Variants in OSCAR observed in about 807,000 individuals in gnomAD.
The protein encoded by OSCAR is osteoclast-associated immunoglobulin-like receptor.
A neutral mutation model predicts 27.3 loss-of-function variants in OSCAR; 25 were observed. The ratio of observed to expected loss-of-function variants is 0.92; its 90% CI spans 0.67 to 1.28. The LOEUF (loss-of-function observed/expected upper bound fraction) is 1.28, where lower values mean the gene tolerates loss of function less well. Among genes scored for constraint, OSCAR ranks in the 50% most tolerant of loss-of-function variants. The pLI is 0.00. For synonymous variants in OSCAR, 158 were observed against 165.7 expected (o/e 0.95, Z 0.36); for missense variants, 354 against 355.1 (o/e 1.00, Z 0.03).
rs1228940404 is a variant in OSCAR at position 54,099,229 on chromosome 19, A to ATTTTTTTTTTTTTTTTTTTTTTTTTTT, written c.70+518_70+519insAAAAAAAAAAAAAAAAAAAAAAAAAAA. Reference sequence around the variant, plus strand: ...AGGTGCGTCCCACCACACCCGGCTAATTTTTTTTTTTTTTTTTTTTTTTTA... The same window carrying ATTTTTTTTTTTTTTTTTTTTTTTTTTT: ...AGGTGCGTCCCACCACACCCGGCTAATTTTTTTTTTTTTTTTTTTTTTTTTTTTTTTTTTTTTTTTTTTTTTTTTTTA... On this transcript the variant is annotated intron_variant, in intron 2 of 4. Coordinates refer to ENST00000358375, the MANE Select transcript of OSCAR (RefSeq NM_133169.6). Among the ~76,000 whole-genome samples the ATTTTTTTTTTTTTTTTTTTTTTTTTTT allele has an allele frequency of 8.5e-5, 7 of 82,428 alleles. 1 individual carries two copies. The highest frequency in any genetic ancestry group is 1.0e-3 in the East Asian group (2 of 1,932). 54.1% of individuals were successfully genotyped at this position (82,428 alleles called of 152,430 possible).
At chr19:54,100,668 C>A in intron 1 of OSCAR, 88 bp downstream of exon 1, 1 of 1,365,680 alleles carries the variant, frequency 7.3e-7, no homozygotes, top group Non-Finnish European at 1.0e-6. Context: ...GCTGCCTGGT[C>A]CCCCTGCAGG....
chr19:54,100,424 T>C (rs2072989566), intron 1 of OSCAR, among the ~76,000 whole-genome samples: 2 of 152,120 alleles, frequency 1.3e-5, no homozygotes, highest in South Asian at 4.1e-4. Context: ...TCTCAGGAGC[T>C]AAGAGCCCTG....
intron 1 of OSCAR, among the ~76,000 whole-genome samples, chr19:54,100,112 G>A (rs1377230509): frequency 3.3e-5 from 5 of 152,078 alleles, no homozygotes; most frequent in South Asian, 2.1e-4. Flanking sequence ...GAGCCGCTGC[G>A]CCCAACAGCG....
At chr19:54,095,378 G>C in intron 4 of OSCAR, 21 bp from the exon 5 acceptor site, 1 of 1,548,780 alleles carries the variant, frequency 6.5e-7, no homozygotes, top group South Asian at 1.2e-5. Context: ...AGCCGGGAGA[G>C]AGGGGCCATC....
intron 1 of OSCAR, among the ~76,000 whole-genome samples, chr19:54,100,182 T>C (rs1235518584): frequency 6.6e-6 from 1 of 152,084 alleles, no homozygotes. Context: ...GGAATCTGAG[T>C]TCCCAGCTCC....
rs117829349 is a variant in OSCAR, at chr19:54,094,971, G to A, written c.*250C>T. 4,143 of 506,310 alleles carry A rather than the reference G, an allele frequency of 8.2e-3. 28 individuals carry two copies. Among genetic ancestry groups the A allele is most frequent in the South Asian group, 0.012 (304 of 24,522 alleles). The allele number at this position is 506,310 out of a possible 1,614,324, so 31.4% of individuals were successfully genotyped here. ...GCTGCTACTACTACAGTGAGTAGAC[G>A]GCAGTGCTGGGATTCGAACCCTCTG... On this transcript the variant is annotated 3_prime_UTR_variant, in exon 5 of 5. Transcript: ENST00000358375.
Position 54,097,061 on chromosome 19 carries a change from G to A in OSCAR, c.174C>T (p.Pro58=), listed in dbSNP as rs764997794. 1.5e-5 allele frequency: 25 copies of A among 1,614,052 alleles called. No individual in the cohort carries two copies. Among genetic ancestry groups the A allele is most frequent in the South Asian group, 2.2e-5 (2 of 91,092 alleles). The stretch of plus-strand genomic sequence containing the variant: ...GCTTGAAAAGTCCAAATCTCCAAGC[G>A]GGTTGGGGTGCCCGGCATCTCAAGG... The part of the protein sequence containing the change: ...NVTLRCRAPQ[P]AWRFGLFKPG... Residue 58 remains proline, a synonymous_variant, in exon 3 of 5, where the codon CCC becomes CCT. Transcript: ENST00000358375.
At chr19:54,097,710 C>T (rs1372188079) in intron 2 of OSCAR, among the ~76,000 whole-genome samples, 1 of 149,974 alleles carries the variant, frequency 6.7e-6, no homozygotes, top group African/African-American at 2.5e-5. Flanking sequence ...TCCTCCACCT[C>T]AGCCTCCTGA....
In OSCAR at chr19:54,096,897, G is replaced by A; in HGVS notation, c.338C>T (p.Ser113Phe). 1.2e-6 allele frequency: 2 copies of A among 1,614,002 alleles called. No homozygotes were observed. Among genetic ancestry groups the A allele is most frequent in the South Asian group, 2.2e-5 (2 of 91,068 alleles). ...RRPDWGPGVW[S>F]QPSDVLELLV... ...CAGCTCCAGGACATCGCTGGGCTGG[G>A]ACCAGACACCCGGCCCCCAGTCTGG... Residue 113 changes from serine (S) to phenylalanine (F), a missense_variant, in exon 3 of 5, where the codon TCC becomes TTC. Ser to Phe is a radical substitution (Grantham distance 155). Coordinates refer to ENST00000358375, the MANE Select transcript of OSCAR (RefSeq NM_133169.6).
chr19:54,099,652 G>A (rs2072941601), intron 2 of OSCAR, 96 bp downstream of exon 2: 19 of 1,613,594 alleles, frequency 1.2e-5, no homozygotes, highest in Non-Finnish European at 1.6e-5. Flanking sequence ...AGGAAAATAA[G>A]GATATCTGGG....
chr19:54,099,487 G>T, intron 2 of OSCAR: 2 of 1,141,214 alleles, frequency 1.8e-6, no homozygotes, highest in Non-Finnish European at 2.7e-6. Flanking sequence ...AGCAAGCTGT[G>T]ACTTGTTCTA....
chr19:54,099,210 G>A (rs587669860), intron 2 of OSCAR, among the ~76,000 whole-genome samples: 1 of 125,670 alleles, frequency 8.0e-6, no homozygotes, highest in Non-Finnish European at 1.6e-5. Flanking sequence ...TTACAGGTGC[G>A]TCCCACCACA....
At position 54,095,029 on chromosome 19, in the gene OSCAR, C is replaced by T. The variant is rs1198300668; in HGVS notation, c.*192G>A. On this transcript the variant is annotated 3_prime_UTR_variant, in exon 5 of 5. Coordinates refer to ENST00000358375, the MANE Select transcript of OSCAR (RefSeq NM_133169.6). The stretch of plus-strand genomic sequence containing the variant: ...GCTTGGAAGTCTTAACCACTAATCG[C>T]GTCTTCCTTTCAGCTACTCCTTGGG... The T allele has an allele frequency of 3.4e-5, 31 of 920,174 alleles. No homozygotes were observed. The highest frequency in any genetic ancestry group is 2.2e-4 in the African/African-American group (13 of 58,312). 57.0% of individuals were successfully genotyped at this position (920,174 alleles called of 1,614,324 possible).
At position 54,094,865 on chromosome 19, in the gene OSCAR, T is replaced by G. The variant is rs374007136; in HGVS notation, c.*356A>C. On this transcript the variant is annotated 3_prime_UTR_variant, in exon 5 of 5. Transcript: ENST00000358375. ...TGATTGGTCCATTTTACAATCCTCT[T>G]GTAAGACAGAAAAGTTCTCCAGGTC... 63 of 233,936 alleles carry G rather than the reference T, an allele frequency of 2.7e-4. No individual in the cohort carries two copies. The highest frequency in any genetic ancestry group is 1.3e-3 in the African/African-American group (58 of 44,280). 14.5% of individuals were successfully genotyped at this position (233,936 alleles called of 1,614,324 possible).
At chr19:54,095,575 C>A (rs1441136162) in intron 4 of OSCAR, 2 of 1,258,146 alleles carry the variant, frequency 1.6e-6, no homozygotes, top group African/African-American at 1.5e-5. Context: ...GGCCTGGAGT[C>A]CTGGGTCCAG....
chr19:54,096,720 C>G, intron 3 of OSCAR, 142 bp downstream of exon 3: 3 of 892,090 alleles, frequency 3.4e-6, no homozygotes, highest in Non-Finnish European at 3.3e-6. Context: ...TCTCTCTCCC[C>G]CTAGTGTCTC....
At chr19:54,099,724 A>C in intron 2 of OSCAR, 24 bp downstream of exon 2, 1 of 1,613,738 alleles carries the variant, frequency 6.2e-7, no homozygotes, top group African/African-American at 1.3e-5. Context: ...CAACAAAAGG[A>C]GAGTGGATGG....
intron 2 of OSCAR, 195 bp downstream of exon 2, chr19:54,099,553 G>T: frequency 6.5e-7 from 1 of 1,539,834 alleles, no homozygotes; most frequent in Admixed American, 1.7e-5. Context: ...CCTAGCTTAG[G>T]CCTCTGCCTC....
In OSCAR at chr19:54,095,138, C is replaced by G. The variant is rs2072561427; in HGVS notation, c.*83G>C. ...GAGCTCAGCCAGCAGGACTGTGGGG[C>G]TGCAGGAAAGGACAGTCCAGCCCAG... On this transcript the variant is annotated 3_prime_UTR_variant, in exon 5 of 5. Transcript: ENST00000358375. 2 of 1,520,692 alleles carry G rather than the reference C, an allele frequency of 1.3e-6. No homozygotes were observed. The highest frequency in any genetic ancestry group is 1.3e-5 in the South Asian group (1 of 77,164). The allele number at this position is 1,520,692 out of a possible 1,614,324, so 94.2% of individuals were successfully genotyped here.
Sources: gnomAD v4.1 joint callset for allele counts (sites outside exome capture counted in the v4.1 genomes callset) on GRCh38, gnomAD v4.1.1 for gene constraint, MANE v1.5 for transcripts, NCBI Gene and HGNC (gene_info 2026-07-23, HGNC 2026-07-21) for gene names.